KDM2B: variants seen among roughly 807,000 people sequenced by gnomAD.
KDM2B encodes lysine demethylase 2B, also known as lysine-specific demethylase 2B.
A neutral mutation model predicts 150.0 loss-of-function variants in KDM2B; 26 were observed. The ratio of observed to expected loss-of-function variants is 0.17; its 90% CI spans 0.13 to 0.24. The LOEUF is 0.24. Ranked by LOEUF, KDM2B falls within the 10% of genes least tolerant of loss-of-function variation. KDM2B has a pLI of 1.00. For missense variants in KDM2B, 1,265 were observed against 1,816.9 expected (o/e 0.70, Z 5.52); for synonymous variants, 734 against 729.5 (o/e 1.01, Z -0.10).
chr12:121,527,621 TC>T (rs1887264886), intron 8 of KDM2B, among the ~76,000 whole-genome samples: 1 of 121,008 alleles, frequency 8.3e-6, no homozygotes, highest in Admixed American at 1.1e-4. Context: ...GCCACTGCAC[TC>T]CAGACTGGGT....
chr12:121,439,151 G>A (rs925073540), intron 22 of KDM2B, among the ~76,000 whole-genome samples: 4 of 152,192 alleles, frequency 2.6e-5, no homozygotes, highest in African/African-American at 9.7e-5. Flanking sequence ...AGGGGTGCAT[G>A]TAAGCAACGA....
chr12:121,513,388 G>A lies in KDM2B; in HGVS notation c.1062C>T (p.Phe354=). Residue 354 remains phenylalanine (F), a synonymous_variant, in exon 10 of 23, where the codon TTC becomes TTT. Transcript: ENST00000377071. This position sits in a 1 kb window ranked among gnomAD's most constrained non-coding sequence, Gnocchi z 5.0. ...IEDRTRVQPK[F]RYPFYYEMCW... Reference sequence around the variant, plus strand: ...ACATCTCATAGTAGAAGGGGTAACGGAATTTGGGCTGCACCTGAAAGCAAA... The same window carrying A: ...ACATCTCATAGTAGAAGGGGTAACGAAATTTGGGCTGCACCTGAAAGCAAA... 2 of 1,611,254 alleles carry A rather than the reference G, an allele frequency of 1.2e-6. No homozygotes were observed. Among genetic ancestry groups the A allele is most frequent in the Non-Finnish European group, 1.7e-6 (2 of 1,177,806 alleles).
rs1251777536 is a variant in KDM2B, at chr12:121,444,009, T to A, written c.2451+3A>T. 2 of 1,605,282 alleles carry A rather than the reference T, an allele frequency of 1.2e-6. No homozygotes were observed. The highest frequency in any genetic ancestry group is 2.7e-5 in the African/African-American group (2 of 74,848). On this transcript the variant is annotated splice_donor_region_variant and intron_variant, in intron 16 of 22. Coordinates refer to ENST00000377071, the MANE Select transcript of KDM2B (RefSeq NM_032590.5). ...TTGCCTCCCAGCCCCTCCTGGTCCG[T>A]ACCCGCTTGCGTCCACTCAGCTCCT...
chr12:121,557,396 TC>T (rs2142205132), intron 4 of KDM2B, among the ~76,000 whole-genome samples: 1 of 151,924 alleles, frequency 6.6e-6, no homozygotes, highest in Admixed American at 6.6e-5. Context: ...TACCACCACT[TC>T]CGGCTAATTT....
chr12:121,455,851 C>T (rs1232490841), intron 12 of KDM2B, among the ~76,000 whole-genome samples: 1 of 152,214 alleles, frequency 6.6e-6, no homozygotes, highest in South Asian at 2.1e-4. Flanking sequence ...TGGCTGCCCA[C>T]GTGAGAAGTA....
At chr12:121,570,143 G>A (rs1890990296) in intron 4 of KDM2B, among the ~76,000 whole-genome samples, 1 of 152,008 alleles carries the variant, frequency 6.6e-6, no homozygotes, top group Non-Finnish European at 1.5e-5. Flanking sequence ...TCTGCCTCCA[G>A]GGTTCAGGCA....
chr12:121,422,326 G>A, the KDM2B span, among the ~76,000 whole-genome samples: 1 of 152,136 alleles, frequency 6.6e-6, no homozygotes. Context: ...TACCAAGATT[G>A]TTCCCATATC....
At chr12:121,497,583 G>T (rs1884111811) in intron 11 of KDM2B, among the ~76,000 whole-genome samples, 1 of 151,870 alleles carries the variant, frequency 6.6e-6, no homozygotes, top group Non-Finnish European at 1.5e-5. Flanking sequence ...TGGGATTACA[G>T]GTGTGAGCCA....
At chr12:121,563,902 A>T (rs1243755620) in intron 4 of KDM2B, among the ~76,000 whole-genome samples, 3 of 152,088 alleles carry the variant, frequency 2.0e-5, no homozygotes, top group African/African-American at 7.2e-5. Flanking sequence ...GTCTCAAAAA[A>T]AAAATTAAAA....
intron 12 of KDM2B, among the ~76,000 whole-genome samples, chr12:121,462,404 C>T (rs1555293899): frequency 6.6e-6 from 1 of 152,182 alleles, no homozygotes; most frequent in African/African-American, 2.4e-5. Context: ...AAGCTAAAGA[C>T]CTCTTCCTCC....
At chr12:121,440,233 AAATCAG>A (rs1874746178) in intron 21 of KDM2B, 158 bp from the exon 22 acceptor site, 4 of 612,202 alleles carry the variant, frequency 6.5e-6, no homozygotes, top group Non-Finnish European at 1.2e-5. Flanking sequence ...CAACAGTGAA[AAATCAG>A]ACTCCACATC....
At position 121,549,699 on chromosome 12, in the gene KDM2B, G is replaced by C. The variant is rs1889334141; in HGVS notation, c.398-61C>G. 1 of 1,455,662 alleles carries C rather than the reference G, an allele frequency of 6.9e-7. No homozygotes were observed. Among genetic ancestry groups the C allele is most frequent in the Admixed American group, 2.1e-5 (1 of 46,652 alleles). The allele number at this position is 1,455,662 out of a possible 1,614,324, so 90.2% of individuals were successfully genotyped here. ...GGCTTAAGGCTCCAGATCCTACATG[G>C]GAGCCCCTCACTAAACAAAAGCTGC... On this transcript the variant is annotated intron_variant, in intron 4 of 22. Coordinates refer to ENST00000377071, the MANE Select transcript of KDM2B (RefSeq NM_032590.5). This position sits in a 1 kb window ranked among gnomAD's most constrained non-coding sequence, Gnocchi z 4.4.
intron 2 of KDM2B, among the ~76,000 whole-genome samples, chr12:121,578,192 G>A (rs1261905159): frequency 1.3e-5 from 2 of 152,212 alleles, no homozygotes; most frequent in African/African-American, 4.8e-5. Flanking sequence ...CTCCGGCCCA[G>A]GTAGGGGTTC....
In KDM2B at chr12:121,467,184, C is replaced by A; in HGVS notation, c.1735-13840G>T. 1 of 1,118,220 alleles carries A rather than the reference C, an allele frequency of 8.9e-7. No homozygotes were observed. Among genetic ancestry groups the A allele is most frequent in the Non-Finnish European group, 1.1e-6 (1 of 896,958 alleles). 69.3% of individuals were successfully genotyped at this position (1,118,220 alleles called of 1,614,324 possible). On this transcript the variant is annotated intron_variant, in intron 12 of 22. Coordinates refer to ENST00000377071, the MANE Select transcript of KDM2B (RefSeq NM_032590.5). The surrounding 1 kb of genome is among the most constrained non-coding windows in gnomAD (Gnocchi z 5.1). ...TGGTCCGGCTCCGATTCATAGTCGT[C>A]GTCCTCGGCGCTCACGGACATGGCC...
Position 121,440,932 on chromosome 12 carries a change from G to A in KDM2B, c.3494C>T (p.Ser1165Leu), listed in dbSNP as rs1874909373. ...CGGACAACTGGAGCTGCAAAGGGCC[G>A]AGACCGCGATCCATGAGCAGCCTGA... ...VLSGCSWIAV[S>L]ALCSSSCPLL... The change falls in exon 21 of 23, where the codon TCG becomes TTG. Residue 1165 changes from serine to leucine, a missense_variant. By Grantham distance (145) the Ser-to-Leu change is moderately radical. This residue lies in a region of KDM2B where 251 missense variants were observed against 397.8 expected (regional missense o/e 0.63). Transcript: ENST00000377071. 6.2e-7 allele frequency: 1 copy of A among 1,614,074 alleles called. No individual in the cohort carries two copies.
At chr12:121,448,246 G>A (rs1417462631) in intron 13 of KDM2B, among the ~76,000 whole-genome samples, 5 of 144,954 alleles carry the variant, frequency 3.4e-5, no homozygotes, top group African/African-American at 1.3e-4. Context: ...CTTGAGCCCA[G>A]GAGGTAGAGG....
At chr12:121,416,809 TAACA>T in the KDM2B span, among the ~76,000 whole-genome samples, 1 of 152,254 alleles carries the variant, frequency 6.6e-6, no homozygotes, top group Non-Finnish European at 1.5e-5. Flanking sequence ...AATACTTAGC[TAACA>T]GTTATTTTCA....
Position 121,578,783 on chromosome 12 carries a change from C to A in KDM2B, c.271+19G>T. The A allele has an allele frequency of 6.7e-7, 1 of 1,503,752 alleles. No individual in the cohort carries two copies. 93.2% of individuals were successfully genotyped at this position (1,503,752 alleles called of 1,614,324 possible). A position where few individuals can be genotyped will look rare whatever the true frequency, so the allele number is the denominator to read the frequency against. ...TCGGCCCGCAGCGCAGAGGGCGGCC[C>A]GGGGTGGGGGCGCCTCACCTTTGCC... On this transcript the variant is annotated intron_variant, in intron 2 of 22. Transcript: ENST00000377071.
At chr12:121,458,699 G>A (rs1241151529) in intron 12 of KDM2B, among the ~76,000 whole-genome samples, 1 of 152,162 alleles carries the variant, frequency 6.6e-6, no homozygotes, top group Non-Finnish European at 1.5e-5. Context: ...TACTTGGGAG[G>A]CTGAGGCAGG....
Sources: gnomAD v4.1 joint callset for allele counts (sites outside exome capture counted in the v4.1 genomes callset) on GRCh38, gnomAD v4.1.1 for gene constraint, gnomAD v4.1.1 regional missense constraint, Gnocchi (gnomAD v3.1) non-coding constraint, MANE v1.5 for transcripts, NCBI Gene and HGNC (gene_info 2026-07-23, HGNC 2026-07-21) for gene names.